ANO4: variants seen among roughly 807,000 people sequenced by gnomAD.
ANO4 encodes the protein anoctamin-4.
ANO4 carries 69 observed loss-of-function variants against 141.9 expected under a neutral mutation model. The ratio of observed to expected loss-of-function variants is 0.49; its 90% CI spans 0.40 to 0.59. The LOEUF (loss-of-function observed/expected upper bound fraction) is 0.59. Among genes scored for constraint, ANO4 ranks in the 20% least tolerant of loss-of-function variants. ANO4 has a pLI of 0.00. For synonymous variants in ANO4, 350 were observed against 394.3 expected (o/e 0.89, Z 1.33); for missense variants, 894 against 1,162.2 (o/e 0.77, Z 3.36).
At chr12:101,105,933 G>A (rs995159949) in intron 22 of ANO4, among the ~76,000 whole-genome samples, 3 of 152,078 alleles carry the variant, frequency 2.0e-5, no homozygotes, top group African/African-American at 7.2e-5. Flanking sequence ...CCAACATGGC[G>A]AAATCCTGTC....
intron 8 of ANO4, among the ~76,000 whole-genome samples, chr12:101,012,182 T>C (rs763328688): frequency 1.2e-3 from 188 of 152,238 alleles, no homozygotes; most frequent in Non-Finnish European, 2.3e-3. Context: ...ACTTATTTAC[T>C]TGGGGCCTAG....
chr12:100,971,878 CT>C (rs1294796168), intron 6 of ANO4, among the ~76,000 whole-genome samples: 3 of 151,764 alleles, frequency 2.0e-5, no homozygotes, highest in African/African-American at 7.3e-5. Flanking sequence ...AAAAAAACCA[CT>C]TTTTTTAATT....
At chr12:100,750,176 C>G (rs900684724) in intron 3 of ANO4, among the ~76,000 whole-genome samples, 6 of 151,462 alleles carry the variant, frequency 4.0e-5, no homozygotes, top group Admixed American at 4.0e-4. Context: ...ACTCCATCAT[C>G]CAGGCTGTAG....
intron 15 of ANO4, among the ~76,000 whole-genome samples, chr12:101,080,866 A>AGATATATATATATATAT (rs2049219759): frequency 4.4e-5 from 1 of 22,650 alleles, no homozygotes; most frequent in Admixed American, 6.2e-4. Context: ...TAGGTTCTAG[A>AGATATATATATATATAT]TATATATATA....
rs140654022 is a variant in ANO4 at position 101,102,039 on chromosome 12, G to A, written c.2149+2319G>A. 2.2e-4 allele frequency among the ~76,000 whole-genome samples: 33 copies of A among 152,022 alleles called. 1 individual carries two copies. In the East Asian group the frequency reaches 6.2e-3, roughly 29 times the overall value. Reference sequence around the variant, plus strand: ...GCAGAGGTTGCAGTGAGCCAAGATTGCACCATTGCACTCCAGCCTGGGAGA... The same window carrying A: ...GCAGAGGTTGCAGTGAGCCAAGATTACACCATTGCACTCCAGCCTGGGAGA... On this transcript the variant is annotated intron_variant, in intron 22 of 27. Coordinates refer to ENST00000392977, the MANE Select transcript of ANO4 (RefSeq NM_001286615.2).
chr12:100,909,281 G>A (rs1231763203), intron 2 of ANO4, among the ~76,000 whole-genome samples: 4 of 152,128 alleles, frequency 2.6e-5, no homozygotes, highest in Non-Finnish European at 4.4e-5. Flanking sequence ...GAAGATTTAG[G>A]AGGACAGTTC....
intron 9 of ANO4, among the ~76,000 whole-genome samples, chr12:101,020,597 G>A (rs2046486762): frequency 6.6e-6 from 1 of 152,230 alleles, no homozygotes; most frequent in Non-Finnish European, 1.5e-5. Flanking sequence ...CTGAGAAGCT[G>A]AAATTTGAAC....
At chr12:101,118,408 TTTTG>T (rs375461870) in intron 25 of ANO4, among the ~76,000 whole-genome samples, 13 of 152,330 alleles carry the variant, frequency 8.5e-5, no homozygotes, top group African/African-American at 2.9e-4. Flanking sequence ...ATTATGATTG[TTTTG>T]TTTAGCATTT....
rs529981518 is a variant in ANO4, at chr12:100,948,928, C to T, written c.456+6393C>T. Among the ~76,000 whole-genome samples, 10 of 152,306 alleles carry T rather than the reference C, an allele frequency of 6.6e-5. No homozygotes were observed. The East Asian group carries it at 1.5e-3, about 23-fold the overall frequency. ...AGATCTCATCTCAGCAGACTGGCGT[C>T]AGAGAGACCCTCCTTGCTGGCTTTG... On this transcript the variant is annotated intron_variant, in intron 5 of 27. Coordinates refer to ENST00000392977, the MANE Select transcript of ANO4 (RefSeq NM_001286615.2).
At chr12:100,731,540 A>G (rs1486882427) in intron 1 of ANO4, among the ~76,000 whole-genome samples, 1 of 152,170 alleles carries the variant, frequency 6.6e-6, no homozygotes, top group Non-Finnish European at 1.5e-5. Context: ...AGTTTATATT[A>G]GGGCTCACTC....
chr12:100,851,717 A>G (rs1260624549), intron 1 of ANO4, among the ~76,000 whole-genome samples: 1 of 152,184 alleles, frequency 6.6e-6, no homozygotes, highest in South Asian at 2.1e-4. Flanking sequence ...AGAGAAGCAA[A>G]GTGAATCAAG....
intron 1 of ANO4, 21 bp downstream of exon 1, chr12:100,795,048 A>T (rs1485416788): frequency 6.6e-6 from 1 of 152,584 alleles, no homozygotes; most frequent in Non-Finnish European, 1.5e-5. Flanking sequence ...ACGTTGAATG[A>T]GCTGCTCTGT....
intron 3 of ANO4, among the ~76,000 whole-genome samples, chr12:100,747,344 C>T (rs1457548016): frequency 1.3e-5 from 2 of 151,922 alleles, no homozygotes; most frequent in African/African-American, 2.4e-5. Context: ...ATTTTTTTCC[C>T]CCTTAAGACT....
intron 3 of ANO4, among the ~76,000 whole-genome samples, chr12:100,770,402 A>C (rs1308936729): frequency 6.6e-6 from 1 of 152,220 alleles, no homozygotes; most frequent in Non-Finnish European, 1.5e-5. Flanking sequence ...CTCCCATTAC[A>C]TGGATTTTGA....
At chr12:100,798,866 A>G (rs1002465145) in intron 1 of ANO4, among the ~76,000 whole-genome samples, 5 of 152,242 alleles carry the variant, frequency 3.3e-5, no homozygotes, top group Admixed American at 6.5e-5. Context: ...TTAACCCTTA[A>G]TTAGGCATCT....
rs1301343997 is a variant in ANO4, at chr12:101,097,705, A to G, written c.1905A>G (p.Glu635=). ...YLRLINRWRL[E]ECHPSGCLID... is the part of the protein sequence containing the mutation. Reference sequence around the variant, plus strand: ...GGCTGATAAACAGGTGGAGACTAGAAGAGGTCTGTATTCTCCCATCATTCC... The same window carrying G: ...GGCTGATAAACAGGTGGAGACTAGAGGAGGTCTGTATTCTCCCATCATTCC... Residue 635 remains glutamate (E), a synonymous_variant, in exon 20 of 28, where the codon GAA becomes GAG. Coordinates refer to ENST00000392977, the MANE Select transcript of ANO4 (RefSeq NM_001286615.2). 6.2e-7 allele frequency: 1 copy of G among 1,613,800 alleles called. No homozygotes were observed. The highest frequency in any genetic ancestry group is 1.1e-5 in the South Asian group (1 of 91,076).
intron 1 of ANO4, among the ~76,000 whole-genome samples, chr12:100,838,690 A>C (rs2037076152): frequency 6.6e-6 from 1 of 152,166 alleles, no homozygotes; most frequent in Non-Finnish European, 1.5e-5. Flanking sequence ...GTCAGATTTT[A>C]TGGGGCCTTC....
intron 3 of ANO4, among the ~76,000 whole-genome samples, chr12:100,761,334 G>T (rs1367571420): frequency 1.3e-5 from 2 of 152,112 alleles, no homozygotes; most frequent in Non-Finnish European, 2.9e-5. Context: ...TTGGTGATTT[G>T]CTAGGAAGAC....
intron 5 of ANO4, among the ~76,000 whole-genome samples, chr12:100,964,066 A>G (rs1210152086): frequency 6.6e-6 from 1 of 152,200 alleles, no homozygotes; most frequent in Non-Finnish European, 1.5e-5. Flanking sequence ...CTGGCCTTAC[A>G]TTAATTTTTA....
Sources: allele counts gnomAD v4.1 joint callset (sites outside exome capture counted in the v4.1 genomes callset), GRCh38; gene constraint gnomAD v4.1.1; transcripts MANE v1.5; gene names NCBI Gene and HGNC (gene_info 2026-07-23, HGNC 2026-07-21).